MPP4: variants seen among roughly 807,000 people sequenced by gnomAD.
The protein encoded by MPP4 is MAGUK p55 scaffold protein 4, also known as MAGUK p55 subfamily member 4.
MPP4 carries 91 observed loss-of-function variants against 98.3 expected under a neutral mutation model. The ratio of observed to expected loss-of-function variants is 0.93; its 90% CI spans 0.78 to 1.10. The LOEUF (loss-of-function observed/expected upper bound fraction) is 1.10, where lower values mean the gene tolerates loss of function less well. MPP4 is among the 50% of genes least tolerant of loss of function. The pLI, the probability that MPP4 is intolerant of heterozygous loss-of-function variation, is 0.00. For missense variants in MPP4, 744 were observed against 792.9 expected, an observed-to-expected ratio of 0.94 and a Z score of 0.74; for synonymous variants, 261 against 271.8, an observed-to-expected ratio of 0.96 and a Z score of 0.39.
intron 18 of MPP4, among the ~76,000 whole-genome samples, chr2:201,653,716 TAG>T (rs900723046): frequency 1.3e-5 from 2 of 152,194 alleles, no homozygotes; most frequent in Non-Finnish European, 2.9e-5. Context: ...CAGGTTGTCT[TAG>T]AGTGATTTTA....
rs778337250 is a variant in MPP4, at chr2:201,654,837, G to A, written c.1381C>T (p.His461Tyr). The change falls in exon 18 of 22, where the codon CAC (histidine) becomes TAC (tyrosine). Residue 461 changes from histidine to tyrosine, a missense_variant and splice_region_variant. Coordinates refer to ENST00000409474, the MANE Select transcript of MPP4 (RefSeq NM_033066.3). The stretch of plus-strand genomic sequence containing the variant: ...ATTATGAAAGCAGAACTAAACATAC[G>A]TGGCACAGCACTTTGAAAATGGCTG... ...NPSHFQSAVP[H>Y]TTRTKKSYEM... 5.8e-5 allele frequency: 93 copies of A among 1,596,238 alleles called. No individual in the cohort carries two copies. The Admixed American group carries it at 1.3e-3, about 22-fold the overall frequency.
intron 16 of MPP4, 64 bp downstream of exon 16, chr2:201,658,413 G>T: frequency 1.4e-6 from 2 of 1,381,182 alleles, no homozygotes; most frequent in Non-Finnish European, 2.0e-6. Context: ...TCAAAACAGT[G>T]TCAGGTTTGG....
At position 201,650,114 on chromosome 2, in the gene MPP4, T is replaced by A. The variant is rs750649233; in HGVS notation, c.1433A>T (p.Tyr478Phe). ...GTTTTCAAATGTTTCCTTGGACACA[T>A]AGTGATACTCACGCCCATTCATTTC... ...SYEMNGREYH[Y>F]VSKETFENLI... The change falls in exon 19 of 22, where the codon TAT becomes TTT. Residue 478 changes from tyrosine (Y) to phenylalanine (F), a missense_variant. Coordinates refer to ENST00000409474, the MANE Select transcript of MPP4 (RefSeq NM_033066.3). 2 of 1,581,688 alleles carry A rather than the reference T, an allele frequency of 1.3e-6. No individual in the cohort carries two copies. The highest frequency in any genetic ancestry group is 1.7e-6 in the Non-Finnish European group (2 of 1,161,698).
chr2:201,688,634 G>A (rs1439886702), intron 4 of MPP4, among the ~76,000 whole-genome samples: 4 of 152,074 alleles, frequency 2.6e-5, no homozygotes, highest in Non-Finnish European at 5.9e-5. Flanking sequence ...TTTGTTTTTT[G>A]AGATAGTCTC....
chr2:201,679,554 C>T (rs1219863837), intron 10 of MPP4, among the ~76,000 whole-genome samples: 3 of 152,156 alleles, frequency 2.0e-5, no homozygotes, highest in Non-Finnish European at 4.4e-5. Context: ...CATCTTCCCT[C>T]GTGGTACCAT....
intron 18 of MPP4, among the ~76,000 whole-genome samples, chr2:201,652,518 T>G (rs1687742079): frequency 6.6e-6 from 1 of 152,214 alleles, no homozygotes; most frequent in Non-Finnish European, 1.5e-5. Flanking sequence ...TCACTCAGGT[T>G]TAATTTTAAA....
At position 201,649,632 on chromosome 2, in the gene MPP4, C is replaced by T; in HGVS notation, c.1528G>A (p.Ala510Thr). 6.2e-7 allele frequency: 1 copy of T among 1,611,080 alleles called. No homozygotes were observed. Among genetic ancestry groups the T allele is most frequent in the Non-Finnish European group, 8.5e-7 (1 of 1,178,756 alleles). ...CCTTCGACAAGGACTGTTTGAACAG[C>T]ATCCACACTAGTGCCATACAGGTGG... Reference protein sequence around the residue: ...KGHLYGTSVDAVQTVLVEGKI... With the variant: ...KGHLYGTSVDTVQTVLVEGKI... The change falls in exon 20 of 22, where the codon GCT becomes ACT. Residue 510 changes from alanine (A) to threonine (T), a missense_variant. By Grantham distance (58) the Ala-to-Thr change is moderately conservative (BLOSUM62 0). Transcript: ENST00000409474.
At chr2:201,684,473 A>T (rs1428898048) in intron 7 of MPP4, among the ~76,000 whole-genome samples, 1 of 152,222 alleles carries the variant, frequency 6.6e-6, no homozygotes, top group South Asian at 2.1e-4. Flanking sequence ...ATACAATGGC[A>T]TGATAATAGT....
At chr2:201,666,579 G>A (rs978214451) in intron 12 of MPP4, 28 of 445,386 alleles carry the variant, frequency 6.3e-5, no homozygotes, top group African/African-American at 1.9e-4. Context: ...AAAATTAGTC[G>A]GGTGTGGTAG....
At chr2:201,691,065 G>A (rs1427849766) in intron 3 of MPP4, among the ~76,000 whole-genome samples, 2 of 152,110 alleles carry the variant, frequency 1.3e-5, no homozygotes, top group Non-Finnish European at 1.5e-5. Context: ...TCTATCCCAG[G>A]GCCCGCATTC....
Position 201,681,049 on chromosome 2 carries a change from A to G in MPP4, c.733-15T>C. 2.5e-6 allele frequency: 4 copies of G among 1,602,266 alleles called. No individual in the cohort carries two copies. The highest frequency in any genetic ancestry group is 3.4e-6 in the Non-Finnish European group (4 of 1,170,542). ...CGGACGTACACCTGATGGCAGGTGCATAATGACGCTATCAGAAGGTGCCTA... is the reference window on the plus strand; with the variant it reads ...CGGACGTACACCTGATGGCAGGTGCGTAATGACGCTATCAGAAGGTGCCTA... On this transcript the variant is annotated splice_polypyrimidine_tract_variant and intron_variant, in intron 9 of 21. Coordinates refer to ENST00000409474, the MANE Select transcript of MPP4 (RefSeq NM_033066.3).
chr2:201,655,457 C>G (rs1379770841), intron 17 of MPP4, among the ~76,000 whole-genome samples: 1 of 152,178 alleles, frequency 6.6e-6, no homozygotes, highest in African/African-American at 2.4e-5. Context: ...GATGAATTCT[C>G]TACTATTGCA....
At chr2:201,674,949 C>T in intron 11 of MPP4, 1 of 596,732 alleles carries the variant, frequency 1.7e-6, no homozygotes. Flanking sequence ...AAGAGGACAG[C>T]TTCAACTCCC....
chr2:201,660,310 T>G, intron 15 of MPP4, 22 bp downstream of exon 15: 1 of 1,599,086 alleles, frequency 6.3e-7, no homozygotes, highest in African/African-American at 1.3e-5. Context: ...ATTTGGTATA[T>G]CTAGGAAATA....
At chr2:201,684,783 T>C (rs974033750) in intron 7 of MPP4, among the ~76,000 whole-genome samples, 2 of 151,660 alleles carry the variant, frequency 1.3e-5, no homozygotes, top group African/African-American at 4.8e-5. Context: ...ACCCCGTCTC[T>C]ACTAAAAATA....
chr2:201,649,739 G>T, intron 19 of MPP4, 55 bp from the exon 20 acceptor site: 1 of 1,198,746 alleles, frequency 8.3e-7, no homozygotes, highest in Non-Finnish European at 1.2e-6. Context: ...AATATTATTA[G>T]TAGTAACATG....
At chr2:201,651,079 C>T (rs1055810194) in intron 18 of MPP4, 2 of 985,228 alleles carry the variant, frequency 2.0e-6, no homozygotes, top group Admixed American at 6.2e-5. Context: ...TACTGTAAAG[C>T]TAGTCCCTTA....
At chr2:201,658,360 A>G (rs1687919070) in intron 16 of MPP4, 117 bp downstream of exon 16, 1 of 773,300 alleles carries the variant, frequency 1.3e-6, no homozygotes, top group Admixed American at 3.0e-5. Context: ...AGGAAACTAG[A>G]ATGAGGAACA....
At chr2:201,687,152 T>G (rs1688861831) in intron 5 of MPP4, 139 bp downstream of exon 5, 1 of 697,266 alleles carries the variant, frequency 1.4e-6, no homozygotes, top group Admixed American at 2.5e-5. Context: ...CATATTTAAG[T>G]ACAATCTGTT....
Sources: allele counts gnomAD v4.1 joint callset (sites outside exome capture counted in the v4.1 genomes callset), GRCh38; gene constraint gnomAD v4.1.1; transcripts MANE v1.5; gene names NCBI Gene and HGNC (gene_info 2026-07-23, HGNC 2026-07-21).